CCDC85C: variants seen among roughly 807,000 people sequenced by gnomAD.
The protein encoded by CCDC85C is coiled-coil domain containing 85C.
CCDC85C carries 18 observed loss-of-function variants against 38.3 expected under a neutral mutation model. The ratio of observed to expected loss-of-function variants is 0.47; its 90% CI spans 0.33 to 0.70. The LOEUF (loss-of-function observed/expected upper bound fraction) is 0.70, where lower values mean the gene tolerates loss of function less well. Among genes scored for constraint, CCDC85C ranks in the 30% least tolerant of loss-of-function variants. The pLI is 0.03. For synonymous variants in CCDC85C, 264 were observed against 293.8 expected, an observed-to-expected ratio of 0.90 and a Z score of 1.04; for missense variants, 566 against 621.2, an observed-to-expected ratio of 0.91 and a Z score of 0.94.
At position 99,502,409 on chromosome 14, in the gene CCDC85C, G is replaced by GTTCCATGTAGAGATGATTC. The variant is rs1896854983; in HGVS notation, c.*12836_*12837insGAATCATCTCTACATGGAA. 6.2e-7 allele frequency: 1 copy of GTTCCATGTAGAGATGATTC among 1,603,172 alleles called. No individual in the cohort carries two copies. The highest frequency in any genetic ancestry group is 2.2e-5 in the East Asian group (1 of 44,788). On this transcript the variant is annotated 3_prime_UTR_variant, in exon 6 of 6. Coordinates refer to ENST00000380243, the MANE Select transcript of CCDC85C (RefSeq NM_001144995.2). ...GCATGCTAAGCGTTCTCGTGAGGGT[G>GTTCCATGTAGAGATGATTC]TTCCATGTTGAGATGATTCTTCCAT... is the stretch of plus-strand genomic sequence containing the variant.
At chr14:99,573,010 G>T (rs75788770) in intron 1 of CCDC85C, 1 of 362,894 alleles carries the variant, frequency 2.8e-6, no homozygotes, top group Non-Finnish European at 5.4e-6. Flanking sequence ...GTGACCGCAG[G>T]AGACGCCACA....
At chr14:99,581,468 C>G (rs1028152320) in intron 1 of CCDC85C, among the ~76,000 whole-genome samples, 9 of 152,346 alleles carry the variant, frequency 5.9e-5, no homozygotes, top group African/African-American at 2.2e-4. Flanking sequence ...GGCCTCGCTC[C>G]CCCCACCCAT....
At chr14:99,583,108 A>G (rs906499732) in intron 1 of CCDC85C, 11 of 152,250 alleles carry the variant, frequency 7.2e-5, no homozygotes, top group African/African-American at 2.7e-4. Context: ...GCTTCACTTG[A>G]CTAGCCTTTT....
At chr14:99,525,671 T>C (rs1329006744) in intron 2 of CCDC85C, among the ~76,000 whole-genome samples, 1 of 152,144 alleles carries the variant, frequency 6.6e-6, no homozygotes, top group Non-Finnish European at 1.5e-5. Flanking sequence ...GAGTGAGGGC[T>C]GGGGGTGCGG....
chr14:99,528,254 C>A (rs1255439646), intron 2 of CCDC85C, among the ~76,000 whole-genome samples: 1 of 152,194 alleles, frequency 6.6e-6, no homozygotes, highest in East Asian at 1.9e-4. Context: ...AGGGGCGGGG[C>A]AGCTAGAAGG....
chr14:99,507,323 T>A lies in CCDC85C; in HGVS notation c.*7923A>T. 1 of 613,764 alleles carries A rather than the reference T, an allele frequency of 1.6e-6. No homozygotes were observed. Among genetic ancestry groups the A allele is most frequent in the Non-Finnish European group, 2.9e-6 (1 of 340,782 alleles). The allele number at this position is 613,764 out of a possible 1,614,324, so 38.0% of individuals were successfully genotyped here. A position where few individuals can be genotyped will look rare whatever the true frequency, so the allele number is the denominator to read the frequency against. ...TGGGCACAATGGCTTGTGTTTTTGATCCCAGCACTTTGGGAGGCGGAGGCA... is the reference window on the plus strand; with the variant it reads ...TGGGCACAATGGCTTGTGTTTTTGAACCCAGCACTTTGGGAGGCGGAGGCA... On this transcript the variant is annotated 3_prime_UTR_variant, in exon 6 of 6. Coordinates refer to ENST00000380243, the MANE Select transcript of CCDC85C (RefSeq NM_001144995.2).
At position 99,511,037 on chromosome 14, in the gene CCDC85C, TC is replaced by T; in HGVS notation, c.*4208del. The T allele has an allele frequency of 3.0e-6, 1 of 337,254 alleles. No homozygotes were observed. The highest frequency in any genetic ancestry group is 5.3e-6 in the Non-Finnish European group (1 of 187,592). 20.9% of individuals were successfully genotyped at this position (337,254 alleles called of 1,614,324 possible). On this transcript the variant is annotated 3_prime_UTR_variant, in exon 6 of 6. Transcript: ENST00000380243. Reference sequence around the variant, plus strand: ...ACTTGGTTCAGCTAATGTCTGAGAGTCCTGCACTGGGTTACTTTATACTAGT... The same window carrying T: ...ACTTGGTTCAGCTAATGTCTGAGAGTCTGCACTGGGTTACTTTATACTAGT...
In CCDC85C at chr14:99,533,563, C is replaced by T. The variant is rs1287243316; in HGVS notation, c.867+2452G>A. On this transcript the variant is annotated intron_variant, in intron 2 of 5. Coordinates refer to ENST00000380243, the MANE Select transcript of CCDC85C (RefSeq NM_001144995.2). This position sits in a 1 kb window ranked among gnomAD's most constrained non-coding sequence, Gnocchi z 4.2. ...AAATTCCAGTCCAACTGCCTGCAGC[C>T]AGCAAGCCTGTGTCCAGGCAAGGGT... Among the ~76,000 whole-genome samples the T allele has an allele frequency of 6.6e-6, 1 of 152,266 alleles. No homozygotes were observed. Among genetic ancestry groups the T allele is most frequent in the Non-Finnish European group, 1.5e-5 (1 of 68,054 alleles).
Position 99,603,197 on chromosome 14 carries a change from G to A in CCDC85C, c.763C>T (p.His255Tyr). ...RSLDDLSAPP[H>Y]HRSIPNGLHD... ...AGGCCGTTGGGGATGCTGCGGTGGT[G>A]CGGCGGCGCCGACAAGTCGTCCAGG... The change falls in exon 1 of 6, where the codon CAC (histidine) becomes TAC (tyrosine). Residue 255 changes from histidine to tyrosine, a missense_variant. Physicochemically the swap from His to Tyr is moderately conservative, Grantham distance 83 (BLOSUM62 2). This residue lies in a region of CCDC85C where 286 missense variants were observed against 276.4 expected (regional missense o/e 1.03). Transcript: ENST00000380243. This position sits in a 1 kb window ranked among gnomAD's most constrained non-coding sequence, Gnocchi z 7.5. 1 of 1,423,662 alleles carries A rather than the reference G, an allele frequency of 7.0e-7. No individual in the cohort carries two copies. The highest frequency in any genetic ancestry group is 9.2e-7 in the Non-Finnish European group (1 of 1,091,292). The allele number at this position is 1,423,662 out of a possible 1,614,324, so 88.2% of individuals were successfully genotyped here. A position where few individuals can be genotyped will look rare whatever the true frequency, so the allele number is the denominator to read the frequency against.
chr14:99,556,125 AACAATCACTCAGGCCGGGT>A (rs1403463075), intron 1 of CCDC85C, among the ~76,000 whole-genome samples: 1 of 152,274 alleles, frequency 6.6e-6, no homozygotes, highest in Non-Finnish European at 1.5e-5. Flanking sequence ...TGCATTAGAA[AACAATCACTCAGGCCGGGT>A]GCAGTGGCTC....
intron 2 of CCDC85C, among the ~76,000 whole-genome samples, chr14:99,530,529 C>G (rs1939149572): frequency 6.6e-6 from 1 of 152,204 alleles, no homozygotes; most frequent in South Asian, 2.1e-4. Flanking sequence ...GGACACAGAA[C>G]TGAAGCGTTG....
At chr14:99,568,563 G>A (rs1245086985) in intron 1 of CCDC85C, among the ~76,000 whole-genome samples, 4 of 152,258 alleles carry the variant, frequency 2.6e-5, no homozygotes, top group Admixed American at 2.0e-4. Context: ...GACGACCTGA[G>A]GACCCCGCTC....
Position 99,533,321 on chromosome 14 carries a change from G to A in CCDC85C, c.867+2694C>T, listed in dbSNP as rs541481258. Among the ~76,000 whole-genome samples, 3 of 152,324 alleles carry A rather than the reference G, an allele frequency of 2.0e-5. No homozygotes were observed. The highest frequency in any genetic ancestry group is 1.9e-4 in the East Asian group (1 of 5,176). ...AGTCCATGCTGAGAAAGCAGCTAGG[G>A]ATGGGCCCTGGGTGCCCTCCTGCCA... is the stretch of plus-strand genomic sequence containing the variant. On this transcript the variant is annotated intron_variant, in intron 2 of 5. Coordinates refer to ENST00000380243, the MANE Select transcript of CCDC85C (RefSeq NM_001144995.2). This position sits in a 1 kb window ranked among gnomAD's most constrained non-coding sequence, Gnocchi z 4.2.
intron 1 of CCDC85C, among the ~76,000 whole-genome samples, chr14:99,555,743 G>A (rs1325068660): frequency 2.6e-5 from 4 of 152,164 alleles, no homozygotes; most frequent in Middle Eastern, 3.2e-3. Context: ...AGACAAGTGC[G>A]TGTCTGCCTG....
chr14:99,546,513 C>T (rs955554296), intron 1 of CCDC85C, among the ~76,000 whole-genome samples: 53 of 152,006 alleles, frequency 3.5e-4, no homozygotes, highest in African/African-American at 1.3e-3. Flanking sequence ...GGGCTCTGGG[C>T]GGTTCCATCT....
intron 1 of CCDC85C, among the ~76,000 whole-genome samples, chr14:99,538,054 C>A (rs926665651): frequency 1.3e-5 from 2 of 152,206 alleles, no homozygotes; most frequent in Admixed American, 1.3e-4. Flanking sequence ...TATGGACCCA[C>A]GTGTGGGGTC....
intron 1 of CCDC85C, among the ~76,000 whole-genome samples, chr14:99,565,632 TG>T (rs1898201157): frequency 6.6e-6 from 1 of 152,186 alleles, no homozygotes; most frequent in Admixed American, 6.5e-5. Flanking sequence ...GCAGGCTGCA[TG>T]GGCAGCCGGG....
chr14:99,563,864 C>T (rs1898164744), intron 1 of CCDC85C, among the ~76,000 whole-genome samples: 1 of 152,236 alleles, frequency 6.6e-6, no homozygotes, highest in South Asian at 2.1e-4. Context: ...GCCCTCTGAG[C>T]ACGGCCTCCA....
intron 2 of CCDC85C, among the ~76,000 whole-genome samples, chr14:99,528,070 C>T (rs891882727): frequency 1.3e-5 from 2 of 152,162 alleles, no homozygotes; most frequent in African/African-American, 4.8e-5. Context: ...GCAGGGCCAG[C>T]GCAGCCTGGG....
Sources: allele counts gnomAD v4.1 joint callset (sites outside exome capture counted in the v4.1 genomes callset), GRCh38; gene constraint gnomAD v4.1.1; regional missense constraint gnomAD v4.1.1; non-coding constraint Gnocchi (gnomAD v3.1); transcripts MANE v1.5; gene names NCBI Gene and HGNC (gene_info 2026-07-23, HGNC 2026-07-21).